GOLGA1: variants seen among roughly 807,000 people sequenced by gnomAD.
GOLGA1 encodes the protein golgin subfamily A member 1.
In GOLGA1, 63 loss-of-function variants were observed where a neutral mutation model predicts 119.7. The observed-to-expected ratio is 0.53, with a 90% CI of 0.43 to 0.65. GOLGA1 has a LOEUF of 0.65. GOLGA1 is among the 30% of genes least tolerant of loss of function. GOLGA1 has a pLI of 0.00. For synonymous variants in GOLGA1, 318 were observed against 333.4 expected, an observed-to-expected ratio of 0.95 and a Z score of 0.50; for missense variants, 798 against 912.8, an observed-to-expected ratio of 0.87 and a Z score of 1.62.
intron 12 of GOLGA1, among the ~76,000 whole-genome samples, chr9:124,903,651 C>A (rs1023304433): frequency 1.1e-3 from 99 of 91,246 alleles, no homozygotes; most frequent in Non-Finnish European, 1.3e-3. Context: ...AGAAAAAGAC[C>A]AAAAAAAAAA....
At chr9:124,913,571 T>C (rs1241297387) in intron 10 of GOLGA1, among the ~76,000 whole-genome samples, 1 of 152,218 alleles carries the variant, frequency 6.6e-6, no homozygotes, top group Non-Finnish European at 1.5e-5. Flanking sequence ...GAAGAAGTAT[T>C]TGCCATTCTG....
intron 3 of GOLGA1, among the ~76,000 whole-genome samples, chr9:124,936,682 C>T (rs200749907): frequency 1.3e-5 from 2 of 152,230 alleles, no homozygotes; most frequent in East Asian, 3.9e-4. Context: ...AACTTCTGGC[C>T]TCAAGCAGTC....
upstream of GOLGA1, chr9:124,945,915 A>T (rs1229124218): frequency 6.6e-6 from 1 of 152,178 alleles, no homozygotes; most frequent in Non-Finnish European, 1.5e-5. Context: ...GGTACAGCAA[A>T]AATAGTTGTA....
chr9:124,925,079 CAAAAAAA>C (rs904132877), intron 7 of GOLGA1, among the ~76,000 whole-genome samples: 8 of 132,414 alleles, frequency 6.0e-5, no homozygotes, highest in Non-Finnish European at 1.3e-4. Flanking sequence ...GACTCCGTCT[CAAAAAAA>C]AAAAAGAAAA....
At chr9:124,908,352 G>A (rs746067337) in intron 12 of GOLGA1, 25 bp downstream of exon 12, 2 of 1,291,958 alleles carry the variant, frequency 1.5e-6, no homozygotes, top group East Asian at 2.3e-5. Flanking sequence ...CCAAACTTAG[G>A]AAACACCAGG....
At chr9:124,883,163 G>A (rs980287869) in intron 19 of GOLGA1, among the ~76,000 whole-genome samples, 21 of 151,036 alleles carry the variant, frequency 1.4e-4, no homozygotes, top group Middle Eastern at 3.4e-3. Flanking sequence ...GCAATGACAC[G>A]ATCTCAGCTC....
intron 10 of GOLGA1, among the ~76,000 whole-genome samples, chr9:124,919,602 T>C (rs1234095728): frequency 3.3e-5 from 5 of 152,224 alleles, no homozygotes; most frequent in African/African-American, 1.2e-4. Context: ...TAGTTTCCAC[T>C]TAGGTATCTG....
chr9:124,920,395 G>A (rs895279582), intron 10 of GOLGA1, among the ~76,000 whole-genome samples: 5 of 151,710 alleles, frequency 3.3e-5, no homozygotes, highest in Admixed American at 2.6e-4. Context: ...CACTGTGCTG[G>A]GCCTGAGAAA....
intron 4 of GOLGA1, among the ~76,000 whole-genome samples, chr9:124,930,813 A>G (rs1830757624): frequency 1.3e-5 from 2 of 152,162 alleles, no homozygotes; most frequent in African/African-American, 4.8e-5. Context: ...CAGACAAAAG[A>G]CATAATGAGA....
chr9:124,893,079 A>G (rs1829894711), intron 15 of GOLGA1, among the ~76,000 whole-genome samples: 1 of 152,190 alleles, frequency 6.6e-6, no homozygotes, highest in African/African-American at 2.4e-5. Flanking sequence ...AGCTCACTGC[A>G]GCCTCGACCT....
rs1043746743 is a variant in GOLGA1, at chr9:124,946,519, C to G, written c.-156+1399G>C. ...TTATATTTTATCATGCAAAAATAAC[C>G]TCTACTTAATTTCTGCAGTGAATGT... On this transcript the variant is annotated intron_variant, in intron 1 of 4. Transcript: ENST00000421514. This position sits in a 1 kb window ranked among gnomAD's most constrained non-coding sequence, Gnocchi z 4.0. The G allele has an allele frequency of 1.3e-5, 2 of 152,102 alleles. No individual in the cohort carries two copies. The highest frequency in any genetic ancestry group is 2.9e-5 in the Non-Finnish European group (2 of 68,012). 9.4% of individuals were successfully genotyped at this position (152,102 alleles called of 1,614,324 possible). A position where few individuals can be genotyped will look rare whatever the true frequency, so the allele number is the denominator to read the frequency against.
intron 13 of GOLGA1, chr9:124,900,041 C>T (rs575292304): frequency 1.6e-5 from 3 of 186,490 alleles, no homozygotes; most frequent in East Asian, 1.5e-4. Context: ...ATGAAATACA[C>T]GCTGGCTGGT....
intron 9 of GOLGA1, 102 bp from the exon 10 acceptor site, chr9:124,921,342 C>G (rs1172619832): frequency 1.3e-6 from 1 of 754,672 alleles, no homozygotes; most frequent in Middle Eastern, 2.6e-4. Context: ...GTCAGGGCTA[C>G]AAGCATCATT....
intron 15 of GOLGA1, among the ~76,000 whole-genome samples, chr9:124,891,062 G>A (rs983494902): frequency 6.6e-6 from 1 of 152,180 alleles, no homozygotes; most frequent in East Asian, 1.9e-4. Flanking sequence ...AGGCCGAGGC[G>A]AGAGGATTGC....
At chr9:124,904,340 G>C (rs536678626) in intron 12 of GOLGA1, among the ~76,000 whole-genome samples, 65 of 152,240 alleles carry the variant, frequency 4.3e-4, no homozygotes, top group Non-Finnish European at 7.2e-4. Context: ...AGATGAAAAA[G>C]TTTTGGAGAT....
chr9:124,891,137 A>T (rs1184085488), intron 15 of GOLGA1, among the ~76,000 whole-genome samples: 1 of 152,224 alleles, frequency 6.6e-6, no homozygotes, highest in Non-Finnish European at 1.5e-5. Flanking sequence ...GTGAGGGGCT[A>T]GGCTGACAAG....
intron 3 of GOLGA1, among the ~76,000 whole-genome samples, chr9:124,936,890 A>T (rs1215534858): frequency 6.6e-6 from 1 of 152,252 alleles, no homozygotes; most frequent in East Asian, 1.9e-4. Context: ...TTCAAAAACA[A>T]GCAGTATTAA....
intron 15 of GOLGA1, among the ~76,000 whole-genome samples, chr9:124,897,367 C>T (rs565859528): frequency 5.9e-5 from 9 of 152,178 alleles, no homozygotes; most frequent in Middle Eastern, 3.4e-3. Context: ...CTTTTTGGGA[C>T]GGAGTCTCAC....
At chr9:124,905,054 G>A (rs1044986842) in intron 12 of GOLGA1, among the ~76,000 whole-genome samples, 1 of 151,274 alleles carries the variant, frequency 6.6e-6, no homozygotes, top group African/African-American at 2.4e-5. Flanking sequence ...GTTGAGGCAG[G>A]AGAATCGCTT....
Sources: gnomAD v4.1 joint callset for allele counts (sites outside exome capture counted in the v4.1 genomes callset) on GRCh38, gnomAD v4.1.1 for gene constraint, Gnocchi (gnomAD v3.1) non-coding constraint, MANE v1.5 for transcripts, NCBI Gene and HGNC (gene_info 2026-07-23, HGNC 2026-07-21) for gene names.